The following NOX4 variants were observed in gnomAD, a reference collection of about 807,000 sequenced individuals.
NOX4 encodes kidney oxidase-1.
NOX4 carries 69 observed loss-of-function variants against 87.6 expected under a neutral mutation model. The observed-to-expected ratio is 0.79, with a 90% CI of 0.65 to 0.96. The LOEUF is 0.96. Among genes scored for constraint, NOX4 ranks in the 40% least tolerant of loss-of-function variants. The probability of loss-of-function intolerance (pLI) is 0.00; values close to 1 mark genes in which losing one functional copy is unlikely to be tolerated. For synonymous variants in NOX4, 275 were observed against 238.2 expected, an observed-to-expected ratio of 1.15 and a Z score of -1.42; for missense variants, 680 against 681.5, an observed-to-expected ratio of 1.00 and a Z score of 0.02.
intron 13 of NOX4, among the ~76,000 whole-genome samples, chr11:89,344,186 A>G (rs559588584): frequency 1.3e-4 from 20 of 151,826 alleles, no homozygotes; most frequent in Admixed American, 2.6e-4. Context: ...ATGTTCATAT[A>G]AGTGTAAATT....
chr11:89,574,412 A>C, the NOX4 span, among the ~76,000 whole-genome samples: 1 of 152,242 alleles, frequency 6.6e-6, no homozygotes, highest in Non-Finnish European at 1.5e-5. Flanking sequence ...GAAGGATTCC[A>C]AAAAGCAGGC....
At chr11:89,488,137 C>A (rs923945559) in intron 2 of NOX4, among the ~76,000 whole-genome samples, 1 of 152,126 alleles carries the variant, frequency 6.6e-6, no homozygotes, top group Non-Finnish European at 1.5e-5. Flanking sequence ...GAATACTTAC[C>A]AGATAGCTCA....
intron 12 of NOX4, among the ~76,000 whole-genome samples, chr11:89,368,265 T>C (rs1193875356): frequency 1.3e-5 from 2 of 152,242 alleles, no homozygotes; most frequent in East Asian, 3.9e-4. Flanking sequence ...TGTCCAGTGG[T>C]ATTCTGGCAA....
intron 11 of NOX4, among the ~76,000 whole-genome samples, chr11:89,395,266 T>A (rs1941397809): frequency 6.6e-6 from 1 of 152,218 alleles, no homozygotes; most frequent in Non-Finnish European, 1.5e-5. Flanking sequence ...ATAATGAGCA[T>A]TTTTTCATGT....
At position 89,357,246 on chromosome 11, in the gene NOX4, C is replaced by A. The variant is rs1938137577; in HGVS notation, c.1136-2203G>T. ...TTTTTCTCTCAAAATTCTGACATTT[C>A]TTACAACATAGATGAGGAGGAACTA... On this transcript the variant is annotated intron_variant, in intron 12 of 17. Coordinates refer to ENST00000263317, the MANE Select transcript of NOX4 (RefSeq NM_016931.5). 2.6e-5 allele frequency among the ~76,000 whole-genome samples: 4 copies of A among 151,612 alleles called. No individual in the cohort carries two copies. In the South Asian group the frequency reaches 8.3e-4, roughly 32 times the overall value.
intron 12 of NOX4, among the ~76,000 whole-genome samples, chr11:89,368,174 A>C (rs1404988170): frequency 2.6e-5 from 4 of 151,970 alleles, no homozygotes; most frequent in African/African-American, 9.7e-5. Flanking sequence ...TCTTTAACTT[A>C]TATCTTCTTC....
chr11:89,380,120 C>T (rs1474758568), intron 11 of NOX4, among the ~76,000 whole-genome samples: 2 of 152,102 alleles, frequency 1.3e-5, no homozygotes, highest in Non-Finnish European at 2.9e-5. Flanking sequence ...ATGGATGTAT[C>T]AACAAGATGA....
intron 7 of NOX4, among the ~76,000 whole-genome samples, chr11:89,425,884 T>C (rs1285690804): frequency 6.6e-6 from 1 of 152,116 alleles, no homozygotes; most frequent in African/African-American, 2.4e-5. Context: ...TGTGTTTCTG[T>C]TAAATTTCAC....
chr11:89,520,400 C>G, the NOX4 span, among the ~76,000 whole-genome samples: 1 of 152,184 alleles, frequency 6.6e-6, no homozygotes, highest in East Asian at 1.9e-4. Flanking sequence ...ATCCCTCACT[C>G]TATCAGCAAA....
intron 6 of NOX4, among the ~76,000 whole-genome samples, chr11:89,438,592 A>G (rs11018614): frequency 0.31 from 22,334 of 71,042 alleles, 3,175 homozygotes; most frequent in Admixed American, 0.39. Flanking sequence ...ATTATATACT[A>G]TATATAATAC....
intron 13 of NOX4, among the ~76,000 whole-genome samples, chr11:89,344,176 A>T (rs190550316): frequency 0.023 from 3,526 of 151,632 alleles, 137 homozygotes; most frequent in African/African-American, 0.081. Context: ...ACAACATTTA[A>T]TGTTCATATA....
At chr11:89,555,854 G>A in the NOX4 span, among the ~76,000 whole-genome samples, 1 of 152,154 alleles carries the variant, frequency 6.6e-6, no homozygotes, top group Non-Finnish European at 1.5e-5. Flanking sequence ...AATATATGCA[G>A]GGTATATACA....
At chr11:89,399,147 G>C (rs933175173) in intron 11 of NOX4, among the ~76,000 whole-genome samples, 1 of 151,414 alleles carries the variant, frequency 6.6e-6, no homozygotes, top group Non-Finnish European at 1.5e-5. Flanking sequence ...TAAATGATAT[G>C]CTGACTAGCT....
chr11:89,560,992 C>CTATATATATATA, the NOX4 span, among the ~76,000 whole-genome samples: 3 of 68,212 alleles, frequency 4.4e-5, no homozygotes, highest in Non-Finnish European at 7.8e-5. Flanking sequence ...CTCTCTCTCT[C>CTATATATATATA]TCTCTATATA....
chr11:89,340,255 T>G, intron 14 of NOX4, 84 bp from the exon 15 acceptor site: 1 of 888,308 alleles, frequency 1.1e-6, no homozygotes, highest in Non-Finnish European at 1.8e-6. Flanking sequence ...AGTTTCCTTT[T>G]CATTAGTAAG....
chr11:89,553,998 T>A, the NOX4 span, among the ~76,000 whole-genome samples: 50 of 152,104 alleles, frequency 3.3e-4, no homozygotes, highest in African/African-American at 1.2e-3. Flanking sequence ...CTTTGATGTT[T>A]ACATTTCAAA....
chr11:89,495,100 G>A (rs1007952479), upstream of NOX4, among the ~76,000 whole-genome samples: 6 of 151,996 alleles, frequency 3.9e-5, no homozygotes, highest in Non-Finnish European at 8.8e-5. Context: ...ACACCACCAC[G>A]CCTGGTTCAT....
chr11:89,439,139 A>G (rs1944347879), intron 6 of NOX4, among the ~76,000 whole-genome samples: 1 of 147,944 alleles, frequency 6.8e-6, no homozygotes, highest in South Asian at 2.1e-4. Context: ...TGTAAACTAA[A>G]CTTTTCAAAG....
chr11:89,422,130 T>C, intron 7 of NOX4, 148 bp from the exon 8 acceptor site: 1 of 469,022 alleles, frequency 2.1e-6, no homozygotes, highest in South Asian at 4.3e-5. Flanking sequence ...TACCAAAGTA[T>C]TAACACAGTA....
Sources: gnomAD v4.1 joint callset for allele counts (sites outside exome capture counted in the v4.1 genomes callset) on GRCh38, gnomAD v4.1.1 for gene constraint, MANE v1.5 for transcripts, NCBI Gene and HGNC (gene_info 2026-07-23, HGNC 2026-07-21) for gene names.